Variants in PRRT4 observed in about 807,000 individuals in gnomAD.
PRRT4 encodes proline rich transmembrane protein 4, also known as proline-rich transmembrane protein 4.
In PRRT4, 59 loss-of-function variants were observed where a neutral mutation model predicts 55.6. The observed-to-expected ratio is 1.06, with a 90% CI of 0.86 to 1.32. The LOEUF is 1.32. PRRT4 is among the 40% of genes most tolerant of loss of function. PRRT4 has a pLI of 0.00. For missense variants in PRRT4, 1,217 were observed against 1,222.0 expected (o/e 1.00, Z 0.06); for synonymous variants, 606 against 601.8 (o/e 1.01, Z -0.10).
chr7:128,353,565 C>A (rs1797047229), intron 4 of PRRT4, among the ~76,000 whole-genome samples: 1 of 152,160 alleles, frequency 6.6e-6, no homozygotes, highest in Non-Finnish European at 1.5e-5. Flanking sequence ...GCCTGCTACA[C>A]CCCAACCCTT....
chr7:128,355,236 T>C (rs74913885), intron 4 of PRRT4, among the ~76,000 whole-genome samples: 3,202 of 152,292 alleles, frequency 0.021, 124 homozygotes, highest in African/African-American at 0.073. Context: ...CTCACTTCAT[T>C]GCCCAGGCTG....
rs780774538 is a variant in PRRT4 at position 128,352,262 on chromosome 7, C to A, written c.1294G>T (p.Ala432Ser). 87 of 1,542,514 alleles carry A rather than the reference C, an allele frequency of 5.6e-5. No individual in the cohort carries two copies. The highest frequency in any genetic ancestry group is 6.6e-5 in the Non-Finnish European group (76 of 1,146,092). ...GGAAGGTCCTGCAGCAGCAGCCAGG[C>A]GAGCGCGGGCAGTCGATCCCTGTGC... The change falls in exon 5 of 5, where the codon GCC becomes TCC. Residue 432 changes from alanine to serine, a missense_variant. By Grantham distance (99) the Ala-to-Ser change is moderately conservative. Coordinates refer to ENST00000535159, the Ensembl canonical transcript of PRRT4.
At chr7:128,359,060 A>G (rs781178227) in intron 3 of PRRT4, 89 bp downstream of exon 4, 373 of 1,385,854 alleles carry the variant, frequency 2.7e-4, no homozygotes, top group Non-Finnish European at 3.6e-4. Flanking sequence ...GCAAGAAAGT[A>G]AAAAAAGAAA....
chr7:128,352,162 G>A (rs1212613663), exon 5 of PRRT4: 5 of 1,387,534 alleles, frequency 3.6e-6, no homozygotes, highest in Non-Finnish European at 4.6e-6. Flanking sequence ...AGCCAGGCCG[G>A]TGGGGCACCG....
chr7:128,358,842 C>T lies in PRRT4; in HGVS notation c.758-42G>A. 2 of 1,490,710 alleles carry T rather than the reference C, an allele frequency of 1.3e-6. No homozygotes were observed. The highest frequency in any genetic ancestry group is 1.8e-6 in the Non-Finnish European group (2 of 1,123,188). 92.3% of individuals were successfully genotyped at this position (1,490,710 alleles called of 1,614,324 possible). On this transcript the variant is annotated intron_variant, in intron 3 of 4. Transcript: ENST00000535159. This position sits in a 1 kb window ranked among gnomAD's most constrained non-coding sequence, Gnocchi z 4.4. Reference sequence around the variant, plus strand: ...TGGGGCTCAAGTGCCACCCCACCAACCAGCCTTGCCTCTGGGAGTTTGGAG... The same window carrying T: ...TGGGGCTCAAGTGCCACCCCACCAATCAGCCTTGCCTCTGGGAGTTTGGAG...
rs1439701184 is a variant in PRRT4 at position 128,352,619 on chromosome 7, G to T, written c.937C>A (p.Pro313Thr). The change falls in exon 5 of 5, where the codon CCT becomes ACT. Residue 313 changes from proline (P) to threonine (T), a missense_variant. Physicochemically the swap from Pro to Thr is conservative, Grantham distance 38. Around this residue, in one of 3 missense-constraint regions of PRRT4, gnomAD observed 564 missense variants for 592.9 expected, o/e 0.95. Transcript: ENST00000535159. Reference sequence around the variant, plus strand: ...GGCCCACACTCTGGCTGCCCCGAAGGGTTCCCGAGGCTGGCGGGAGGAGAG... The same window carrying T: ...GGCCCACACTCTGGCTGCCCCGAAGTGTTCCCGAGGCTGGCGGGAGGAGAG... The T allele has an allele frequency of 4.5e-6, 7 of 1,541,660 alleles. No homozygotes were observed. Among genetic ancestry groups the T allele is most frequent in the South Asian group, 1.2e-5 (1 of 84,044 alleles).
In PRRT4 at chr7:128,361,492, G is replaced by T; in HGVS notation, c.-73+69C>A. 4 of 153,590 alleles carry T rather than the reference G, an allele frequency of 2.6e-5. No homozygotes were observed. In the South Asian group the frequency reaches 5.4e-4, roughly 21 times the overall value. 9.5% of individuals were successfully genotyped at this position (153,590 alleles called of 1,614,324 possible). On this transcript the variant is annotated intron_variant, in intron 1 of 4. Transcript: ENST00000535159. ...CCGGCGGCCCCTCGCCTAGTCCAGA[G>T]ACCGCAGCCTCGCCGCCCCGCTGCC...
exon 5 of PRRT4, chr7:128,352,505 C>T (rs1255334932): frequency 1.3e-6 from 2 of 1,542,182 alleles, no homozygotes; most frequent in South Asian, 1.2e-5. Context: ...TCTGCCCAGT[C>T]GGCCTCCAGG....
Position 128,358,786 on chromosome 7 carries a change from T to A in PRRT4, c.772A>T (p.Thr258Ser), listed in dbSNP as rs1297212780. 1 of 1,546,954 alleles carries A rather than the reference T, an allele frequency of 6.5e-7. No homozygotes were observed. Among genetic ancestry groups the A allele is most frequent in the East Asian group, 2.4e-5 (1 of 40,872 alleles). ...AGGGAGTATGGGGGCAGGGACAGAG[T>A]GGTACCAAGGAACCCTGCAAAGGGA... The change falls in exon 4 of 5, where the codon ACT (threonine) becomes TCT (serine). Residue 258 changes from threonine (T) to serine (S), a missense_variant. This residue lies in a region of PRRT4 where 564 missense variants were observed against 592.9 expected (regional missense o/e 0.95). Transcript: ENST00000535159. This position sits in a 1 kb window ranked among gnomAD's most constrained non-coding sequence, Gnocchi z 4.4.
At position 128,358,836 on chromosome 7, in the gene PRRT4, C is replaced by A; in HGVS notation, c.758-36G>T. The A allele has an allele frequency of 6.7e-7, 1 of 1,497,434 alleles. No homozygotes were observed. Among genetic ancestry groups the A allele is most frequent in the Non-Finnish European group, 8.9e-7 (1 of 1,125,538 alleles). The allele number at this position is 1,497,434 out of a possible 1,614,324, so 92.8% of individuals were successfully genotyped here. On this transcript the variant is annotated intron_variant, in intron 3 of 4. Transcript: ENST00000535159. This position sits in a 1 kb window ranked among gnomAD's most constrained non-coding sequence, Gnocchi z 4.4. The stretch of plus-strand genomic sequence containing the variant: ...AGCACATGGGGCTCAAGTGCCACCC[C>A]ACCAACCAGCCTTGCCTCTGGGAGT...
At position 128,351,029 on chromosome 7, in the gene PRRT4, T is replaced by A. The variant is rs1021684561; in HGVS notation, c.2527A>T (p.Ser843Cys). Reference sequence around the variant, plus strand: ...GATCCTGAGGCCGGGAGGCTGGGGCTGCTTCCTGAGGGCCGCGGGGGACTG... The same window carrying A: ...GATCCTGAGGCCGGGAGGCTGGGGCAGCTTCCTGAGGGCCGCGGGGGACTG... The change falls in exon 5 of 5, where the codon AGC (serine) becomes TGC (cysteine). Residue 843 changes from serine to cysteine, a missense_variant. This residue lies in a region of PRRT4 where 642 missense variants were observed against 600.9 expected (regional missense o/e 1.07). Coordinates refer to ENST00000535159, the Ensembl canonical transcript of PRRT4. The A allele has an allele frequency of 6.5e-7, 1 of 1,549,758 alleles. No individual in the cohort carries two copies. Among genetic ancestry groups the A allele is most frequent in the Non-Finnish European group, 8.7e-7 (1 of 1,146,850 alleles).
exon 2 of PRRT4, chr7:128,359,471 C>A: frequency 6.8e-7 from 1 of 1,462,956 alleles, no homozygotes; most frequent in Non-Finnish European, 9.0e-7. Flanking sequence ...CTCCAGCTCG[C>A]TCTGGTGGGG....
intron 1 of PRRT4, 66 bp from the exon 3 acceptor site, chr7:128,360,129 T>C (rs1265747553): frequency 1.1e-4 from 70 of 648,134 alleles, no homozygotes; most frequent in Non-Finnish European, 4.4e-6. Flanking sequence ...CAGGATCGGA[T>C]GTCCCAGAGA....
At chr7:128,351,147 A>C (rs1796951912) in exon 5 of PRRT4, 1 of 1,547,090 alleles carries the variant, frequency 6.5e-7, no homozygotes, top group Non-Finnish European at 8.7e-7. Flanking sequence ...AGAACGAGCC[A>C]GATGAGACGC....
chr7:128,356,248 T>C (rs1797109774), intron 4 of PRRT4, among the ~76,000 whole-genome samples: 1 of 151,610 alleles, frequency 6.6e-6, no homozygotes, highest in Non-Finnish European at 1.5e-5. Flanking sequence ...CAAGACTCTA[T>C]CTCAAAAAAA....
chr7:128,360,939 G>A (rs941162103), intron 1 of PRRT4, among the ~76,000 whole-genome samples: 2 of 151,610 alleles, frequency 1.3e-5, no homozygotes, highest in South Asian at 2.1e-4. Flanking sequence ...TCTAGCGCCC[G>A]TGACACACTC....
chr7:128,359,285 C>T lies in PRRT4; in HGVS notation c.653-32G>A, dbSNP rs776900559. ...AAGAAGCCCAGGCTGAAGCTGCCTC[C>T]TACCTGCCAGGGGTGCCCAGCAGGG... On this transcript the variant is annotated intron_variant, in intron 2 of 4. Transcript: ENST00000535159. The T allele has an allele frequency of 1.2e-5, 18 of 1,543,200 alleles. No individual in the cohort carries two copies. In the South Asian group the frequency reaches 1.7e-4, roughly 14 times the overall value.
chr7:128,350,897 T>C, exon 5 of PRRT4: 1 of 1,550,854 alleles, frequency 6.4e-7, no homozygotes, highest in Admixed American at 2.0e-5. Flanking sequence ...AGCTCGTCGA[T>C]CTGTCGGCAG....
rs60699919 is a variant in PRRT4, at chr7:128,357,236, ACTCTCTCTCTCTCTCT to A, written c.877+1429_877+1444del. Among the ~76,000 whole-genome samples, 385 of 140,890 alleles carry A rather than the reference ACTCTCTCTCTCTCTCT, an allele frequency of 2.7e-3. 3 individuals are homozygous for A. The highest frequency in any genetic ancestry group is 9.8e-3 in the African/African-American group (365 of 37,256). The allele number at this position is 140,890 out of a possible 152,430, so 92.4% of individuals were successfully genotyped here. ...CACACACACACACACACACACACAC[ACTCTCTCTCTCTCTCT>A]CTCTCTCTCTCTCTCTGCTGGCAAG... On this transcript the variant is annotated intron_variant, in intron 4 of 4. Transcript: ENST00000535159.
Sources: allele counts gnomAD v4.1 joint callset (sites outside exome capture counted in the v4.1 genomes callset), GRCh38; gene constraint gnomAD v4.1.1; regional missense constraint gnomAD v4.1.1; non-coding constraint Gnocchi (gnomAD v3.1); transcripts MANE v1.5; gene names NCBI Gene and HGNC (gene_info 2026-07-23, HGNC 2026-07-21).